TNIK: variants seen among roughly 807,000 people sequenced by gnomAD.
The protein encoded by TNIK is TRAF2 and NCK interacting kinase, also known as TRAF2 and NCK-interacting protein kinase.
In TNIK, 49 loss-of-function variants were observed where a neutral mutation model predicts 191.3. The observed-to-expected ratio is 0.26, with a 90% CI of 0.20 to 0.32. The LOEUF is 0.32. Ranked by LOEUF, TNIK falls within the 10% of genes least tolerant of loss-of-function variation. TNIK has a pLI of 1.00. For synonymous variants in TNIK, 594 were observed against 600.9 expected, an observed-to-expected ratio of 0.99 and a Z score of 0.17; for missense variants, 1,155 against 1,702.3, an observed-to-expected ratio of 0.68 and a Z score of 5.66.
intron 18 of TNIK, among the ~76,000 whole-genome samples, chr3:171,116,770 A>C (rs11920719): frequency 0.06 from 9,199 of 152,318 alleles, 742 homozygotes; most frequent in African/African-American, 0.18. Context: ...CTTTAGAAAG[A>C]ATACATACAT....
chr3:171,291,914 A>T (rs1344607811), intron 2 of TNIK, among the ~76,000 whole-genome samples: 1 of 152,150 alleles, frequency 6.6e-6, no homozygotes, highest in African/African-American at 2.4e-5. Flanking sequence ...TTCACTTTTT[A>T]AAATCCTTTA....
intron 26 of TNIK, among the ~76,000 whole-genome samples, chr3:171,083,251 C>T (rs1720915995): frequency 6.6e-6 from 1 of 152,198 alleles, no homozygotes; most frequent in South Asian, 2.1e-4. Context: ...ACACAAATGT[C>T]TGCTTTTTTG....
At chr3:171,095,006 G>T (rs1019221457) in intron 22 of TNIK, among the ~76,000 whole-genome samples, 7 of 152,180 alleles carry the variant, frequency 4.6e-5, no homozygotes, top group African/African-American at 1.2e-4. Context: ...CTATAAAGAA[G>T]AAATATCTAC....
chr3:171,287,386 G>A (rs773390577), intron 2 of TNIK, among the ~76,000 whole-genome samples: 2 of 152,066 alleles, frequency 1.3e-5, no homozygotes, highest in African/African-American at 2.4e-5. Flanking sequence ...CTTTTCCTTT[G>A]CTTTTAATGC....
intron 2 of TNIK, among the ~76,000 whole-genome samples, chr3:171,247,261 T>C (rs192588765): frequency 2.4e-4 from 36 of 152,324 alleles, no homozygotes; most frequent in African/African-American, 8.7e-4. Context: ...TCATCTGTCC[T>C]CTACCAAGAT....
intron 2 of TNIK, among the ~76,000 whole-genome samples, chr3:171,252,196 A>G (rs1481107441): frequency 6.6e-6 from 1 of 152,162 alleles, no homozygotes; most frequent in East Asian, 1.9e-4. Context: ...TTTGTGGGTG[A>G]GAAAATGCCT....
At chr3:171,219,404 A>G (rs1422437850) in intron 3 of TNIK, among the ~76,000 whole-genome samples, 1 of 150,288 alleles carries the variant, frequency 6.7e-6, no homozygotes, top group African/African-American at 2.4e-5. Flanking sequence ...TATATAACAC[A>G]TAATGCAGCA....
chr3:171,235,122 A>G (rs776265622), intron 2 of TNIK, among the ~76,000 whole-genome samples: 2 of 152,002 alleles, frequency 1.3e-5, no homozygotes, highest in Non-Finnish European at 2.9e-5. Flanking sequence ...GCCCACTGCA[A>G]TCTCCACCTC....
intron 2 of TNIK, among the ~76,000 whole-genome samples, chr3:171,293,779 G>T (rs1751954370): frequency 6.6e-6 from 1 of 152,084 alleles, no homozygotes; most frequent in East Asian, 1.9e-4. Flanking sequence ...AAAATAACTT[G>T]ATTTAAAGAA....
At chr3:171,365,363 G>C (rs1397447249) in intron 2 of TNIK, among the ~76,000 whole-genome samples, 1 of 151,418 alleles carries the variant, frequency 6.6e-6, no homozygotes, top group African/African-American at 2.4e-5. Flanking sequence ...TGTATTTTTA[G>C]TAGAGACAGG....
chr3:171,136,746 G>C (rs1730037625), intron 15 of TNIK, among the ~76,000 whole-genome samples: 1 of 152,222 alleles, frequency 6.6e-6, no homozygotes, highest in South Asian at 2.1e-4. Flanking sequence ...TAGCAGTAGA[G>C]GAAGGTGGTG....
chr3:171,183,384 C>T (rs535195565), intron 7 of TNIK, among the ~76,000 whole-genome samples: 11 of 152,320 alleles, frequency 7.2e-5, no homozygotes, highest in African/African-American at 2.4e-4. Context: ...GCACAGCCAG[C>T]ATACTGTATC....
At chr3:171,310,922 A>G (rs774443190) in intron 2 of TNIK, among the ~76,000 whole-genome samples, 2 of 152,162 alleles carry the variant, frequency 1.3e-5, no homozygotes, top group African/African-American at 2.4e-5. Context: ...TATATCAAGC[A>G]CTTATGAAAC....
In TNIK at chr3:171,063,809, A is replaced by G. The variant is rs1718084779; in HGVS notation, c.*72T>C. On this transcript the variant is annotated 3_prime_UTR_variant, in exon 33 of 33. Transcript: ENST00000436636. ...CTTCTGATTCTGCCTCTAGACTGGC[A>G]TAAGTCCACATGAGTTATGTTCTTT... 6.6e-6 allele frequency: 10 copies of G among 1,506,352 alleles called. No homozygotes were observed. In the Admixed American group the frequency reaches 7.4e-5, roughly 11 times the overall value. 93.3% of individuals were successfully genotyped at this position (1,506,352 alleles called of 1,614,324 possible). A position where few individuals can be genotyped will look rare whatever the true frequency, so the allele number is the denominator to read the frequency against.
chr3:171,319,525 T>G (rs536511777), intron 2 of TNIK, among the ~76,000 whole-genome samples: 1 of 151,876 alleles, frequency 6.6e-6, no homozygotes, highest in African/African-American at 2.4e-5. Flanking sequence ...AAAAAAAGAG[T>G]TTCAGAGCAA....
intron 1 of TNIK, among the ~76,000 whole-genome samples, chr3:171,430,036 G>A (rs1209136683): frequency 6.6e-6 from 1 of 152,088 alleles, no homozygotes; most frequent in Non-Finnish European, 1.5e-5. Context: ...GAGGTAGATA[G>A]AGCCCACCTC....
At chr3:171,383,530 T>C (rs780859549) in intron 1 of TNIK, among the ~76,000 whole-genome samples, 3 of 152,202 alleles carry the variant, frequency 2.0e-5, no homozygotes, top group Non-Finnish European at 2.9e-5. Flanking sequence ...CAGACCAGAA[T>C]TGCATTTTGT....
intron 2 of TNIK, among the ~76,000 whole-genome samples, chr3:171,271,047 C>G (rs960460276): frequency 6.6e-6 from 1 of 152,200 alleles, no homozygotes; most frequent in African/African-American, 2.4e-5. Context: ...TCTGCATCCT[C>G]TGAGTACACT....
chr3:171,374,939 G>C (rs753422606), intron 1 of TNIK, among the ~76,000 whole-genome samples: 3 of 152,136 alleles, frequency 2.0e-5, no homozygotes, highest in Non-Finnish European at 2.9e-5. Context: ...GCTTAGTCAG[G>C]GTCACACTAC....
Sources: gnomAD v4.1 joint callset for allele counts (sites outside exome capture counted in the v4.1 genomes callset) on GRCh38, gnomAD v4.1.1 for gene constraint, MANE v1.5 for transcripts, NCBI Gene and HGNC (gene_info 2026-07-23, HGNC 2026-07-21) for gene names.